CACNA1A: variants seen among roughly 807,000 people sequenced by gnomAD.
CACNA1A encodes the protein calcium voltage-gated channel subunit alpha1 A.
Under a neutral mutation model 262.4 loss-of-function variants are expected in CACNA1A, and 57 were observed. The ratio of observed to expected loss-of-function variants is 0.22; its 90% CI spans 0.18 to 0.27. The LOEUF (loss-of-function observed/expected upper bound fraction) is 0.27, where lower values mean the gene tolerates loss of function less well. CACNA1A is among the 10% of genes least tolerant of loss of function. The pLI is 1.00. For missense variants in CACNA1A, 2,526 were observed against 3,562.8 expected (o/e 0.71, Z 7.41); for synonymous variants, 1,431 against 1,419.3 (o/e 1.01, Z -0.18).
intron 3 of CACNA1A, among the ~76,000 whole-genome samples, chr19:13,393,207 C>T (rs1274798842): frequency 6.6e-6 from 1 of 152,200 alleles, no homozygotes; most frequent in Non-Finnish European, 1.5e-5. Flanking sequence ...GTAGCTTTCT[C>T]TGGAATAGCC....
intron 11 of CACNA1A, chr19:13,315,227 C>T (rs2058104788): frequency 8.6e-6 from 1 of 116,782 alleles, no homozygotes; most frequent in South Asian, 2.6e-4. Context: ...TTTGAGATGG[C>T]GTCTAGCTCT....
intron 10 of CACNA1A, among the ~76,000 whole-genome samples, chr19:13,325,632 G>T (rs1391043038): frequency 6.6e-6 from 1 of 152,050 alleles, no homozygotes; most frequent in East Asian, 1.9e-4. Flanking sequence ...ACAAAGTTTC[G>T]CCATGTTGGC....
At chr19:13,444,203 G>A (rs2060771292) in intron 3 of CACNA1A, among the ~76,000 whole-genome samples, 1 of 152,176 alleles carries the variant, frequency 6.6e-6, no homozygotes, top group Admixed American at 6.5e-5. Context: ...AAGCATTTGT[G>A]TCACAGTGGG....
At chr19:13,346,615 ATT>A (rs1376943301) in intron 6 of CACNA1A, among the ~76,000 whole-genome samples, 6 of 60,358 alleles carry the variant, frequency 9.9e-5, no homozygotes, top group Admixed American at 2.5e-4. Flanking sequence ...TTTTTAATTG[ATT>A]ATATATATAT....
intron 10 of CACNA1A, among the ~76,000 whole-genome samples, chr19:13,326,340 A>AG (rs1235187423): frequency 1.3e-5 from 2 of 151,958 alleles, no homozygotes; most frequent in African/African-American, 4.8e-5. Context: ...AAAGAAAAAA[A>AG]AATTGATATC....
At chr19:13,254,062 C>G (rs757323665) in intron 29 of CACNA1A, among the ~76,000 whole-genome samples, 6 of 152,104 alleles carry the variant, frequency 3.9e-5, no homozygotes, top group African/African-American at 1.4e-4. Context: ...TTTGAAGTGC[C>G]GAGAAGGAGC....
chr19:13,343,648 G>A (rs1332634631), intron 6 of CACNA1A, among the ~76,000 whole-genome samples: 3 of 152,042 alleles, frequency 2.0e-5, no homozygotes, highest in African/African-American at 4.8e-5. Flanking sequence ...ACTACCGTGG[G>A]ATAAAACTAG....
chr19:13,336,773 T>C (rs2058584784), intron 6 of CACNA1A, among the ~76,000 whole-genome samples: 1 of 152,284 alleles, frequency 6.6e-6, no homozygotes, highest in South Asian at 2.1e-4. Flanking sequence ...CATGTTACTA[T>C]TGAGGAAACT....
chr19:13,414,627 G>A (rs900417910), intron 3 of CACNA1A, among the ~76,000 whole-genome samples: 1 of 152,134 alleles, frequency 6.6e-6, no homozygotes, highest in Non-Finnish European at 1.5e-5. Flanking sequence ...AGGCTGAGAA[G>A]AGAAAATGTC....
chr19:13,270,205 A>T (rs1441998566), intron 24 of CACNA1A, among the ~76,000 whole-genome samples: 2 of 151,988 alleles, frequency 1.3e-5, no homozygotes, highest in African/African-American at 4.8e-5. Flanking sequence ...CCTCATCTAG[A>T]TGGGAAAAAC....
At chr19:13,307,920 A>G in intron 14 of CACNA1A, 66 bp from the exon 15 acceptor site, 1 of 1,465,544 alleles carries the variant, frequency 6.8e-7, no homozygotes, top group South Asian at 1.1e-5. Flanking sequence ...GTGGCTCAGT[A>G]TCTCATCTCC....
chr19:13,286,495 G>A lies in CACNA1A; in HGVS notation c.3553+8C>T. 1 of 1,347,510 alleles carries A rather than the reference G, an allele frequency of 7.4e-7. No individual in the cohort carries two copies. The highest frequency in any genetic ancestry group is 1.0e-6 in the Non-Finnish European group (1 of 986,862). 83.5% of individuals were successfully genotyped at this position (1,347,510 alleles called of 1,614,324 possible). ...CCTGCCCAGTGATGTGAGAGCAGAG[G>A]GTCTCACCTTGTACGACGGTGTGGT... On this transcript the variant is annotated splice_region_variant and intron_variant, in intron 20 of 46. Transcript: ENST00000360228.
At chr19:13,440,305 G>T (rs1207040497) in intron 3 of CACNA1A, among the ~76,000 whole-genome samples, 2 of 152,176 alleles carry the variant, frequency 1.3e-5, no homozygotes, top group African/African-American at 2.4e-5. Context: ...AGGTGATGGG[G>T]TGACAATGAA....
At chr19:13,226,541 A>T (rs2055455882) in intron 37 of CACNA1A, 1 of 152,232 alleles carries the variant, frequency 6.6e-6, no homozygotes, top group Non-Finnish European at 1.5e-5. Flanking sequence ...TTTAAAGGTC[A>T]TCCCTGAACT....
intron 5 of CACNA1A, chr19:13,362,719 T>A (rs933330337): frequency 6.6e-6 from 1 of 152,196 alleles, no homozygotes; most frequent in Admixed American, 6.5e-5. Context: ...GCCTTCACTG[T>A]TAAAAATGGC....
chr19:13,352,584 C>A (rs1419343515), intron 6 of CACNA1A, among the ~76,000 whole-genome samples: 1 of 152,028 alleles, frequency 6.6e-6, no homozygotes, highest in Non-Finnish European at 1.5e-5. Flanking sequence ...GGTTTACCTC[C>A]CCTTGATTCC....
At chr19:13,405,879 G>T (rs901328518) in intron 3 of CACNA1A, among the ~76,000 whole-genome samples, 21 of 152,192 alleles carry the variant, frequency 1.4e-4, no homozygotes, top group African/African-American at 4.8e-4. Context: ...AGAGGGACTT[G>T]CTGACTGGCC....
chr19:13,401,273 A>T (rs183956759), intron 3 of CACNA1A, among the ~76,000 whole-genome samples: 1 of 152,226 alleles, frequency 6.6e-6, no homozygotes, highest in Non-Finnish European at 1.5e-5. Flanking sequence ...CCTGGATTCA[A>T]ATTCCAACTC....
rs1440241044 is a variant in CACNA1A at position 13,212,307 on chromosome 19, GT to G, written c.6189+76del. 275 of 1,567,566 alleles carry G rather than the reference GT, an allele frequency of 1.8e-4. No homozygotes were observed. Among genetic ancestry groups the G allele is most frequent in the Admixed American group, 8.6e-4 (50 of 58,424 alleles). ...GAGGGAGGGAGCTGCAGGTGTGTGT[GT>G]GTGGGGGGCCCAGATCCCTTCCACC... On this transcript the variant is annotated intron_variant, in intron 42 of 46. Transcript: ENST00000360228. The surrounding 1 kb of genome is among the most constrained non-coding windows in gnomAD (Gnocchi z 5.6).
Sources: gnomAD v4.1 joint callset for allele counts (sites outside exome capture counted in the v4.1 genomes callset) on GRCh38, gnomAD v4.1.1 for gene constraint, Gnocchi (gnomAD v3.1) non-coding constraint, MANE v1.5 for transcripts, NCBI Gene and HGNC (gene_info 2026-07-23, HGNC 2026-07-21) for gene names.